PRKCQ: variants seen among roughly 807,000 people sequenced by gnomAD.
PRKCQ encodes protein kinase C theta type.
PRKCQ carries 41 observed loss-of-function variants against 91.2 expected under a neutral mutation model. The observed-to-expected ratio is 0.45, with a 90% CI of 0.35 to 0.58. The LOEUF is 0.58. Among genes scored for constraint, PRKCQ ranks in the 20% least tolerant of loss-of-function variants. The probability of loss-of-function intolerance (pLI) is 0.00; values close to 1 mark genes in which losing one functional copy is unlikely to be tolerated. For synonymous variants in PRKCQ, 307 were observed against 316.9 expected (o/e 0.97, Z 0.33); for missense variants, 673 against 896.5 (o/e 0.75, Z 3.18).
At chr10:6,569,572 G>A (rs946210156) in intron 1 of PRKCQ, among the ~76,000 whole-genome samples, 5 of 152,204 alleles carry the variant, frequency 3.3e-5, no homozygotes, top group African/African-American at 9.6e-5. Flanking sequence ...TGGTAACCAC[G>A]GCTAGGGAGG....
the PRKCQ span, among the ~76,000 whole-genome samples, chr10:6,407,968 C>T: frequency 6.6e-6 from 1 of 151,178 alleles, no homozygotes; most frequent in Non-Finnish European, 1.5e-5. The surrounding 1 kb of genome is among the most constrained non-coding windows in gnomAD (Gnocchi z 4.0). Context: ...ACTGTTATCA[C>T]ACCAAGAAAA....
At chr10:6,503,620 G>A (rs2130837313) in intron 4 of PRKCQ, among the ~76,000 whole-genome samples, 1 of 152,200 alleles carries the variant, frequency 6.6e-6, no homozygotes, top group Middle Eastern at 3.4e-3. Flanking sequence ...ATTATCTCAA[G>A]TGTTATCCAA....
intron 1 of PRKCQ, among the ~76,000 whole-genome samples, chr10:6,567,242 TA>T (rs935390521): frequency 1.3e-5 from 2 of 152,054 alleles, no homozygotes; most frequent in African/African-American, 4.8e-5. Flanking sequence ...ATAGGACACT[TA>T]AAAAAATGCC....
At position 6,507,914 on chromosome 10, in the gene PRKCQ, C is replaced by T. The variant is rs1036886686; in HGVS notation, c.319-418G>A. ...TTGGAGGGAAAGATAAATCCTGCCT[C>T]TTTGAGGCCGCCTCCAGGCCCCTGT... On this transcript the variant is annotated intron_variant, in intron 3 of 17. Transcript: ENST00000263125. Among the ~76,000 whole-genome samples, 4 of 152,268 alleles carry T rather than the reference C, an allele frequency of 2.6e-5. No homozygotes were observed. In the East Asian group the frequency reaches 5.8e-4, roughly 22 times the overall value.
chr10:6,466,709 A>C (rs1835676023), intron 12 of PRKCQ, among the ~76,000 whole-genome samples: 1 of 152,234 alleles, frequency 6.6e-6, no homozygotes, highest in Non-Finnish European at 1.5e-5. Flanking sequence ...TAATAGGCTC[A>C]AACTTTCATA....
intron 1 of PRKCQ, among the ~76,000 whole-genome samples, chr10:6,564,041 A>G (rs984377289): frequency 6.6e-6 from 1 of 152,184 alleles, no homozygotes; most frequent in Admixed American, 6.5e-5. Context: ...GCAGAGCTGT[A>G]AAATGCAAGA....
chr10:6,547,046 G>A (rs1448664823), intron 1 of PRKCQ, among the ~76,000 whole-genome samples: 42 of 152,154 alleles, frequency 2.8e-4, no homozygotes, highest in African/African-American at 8.7e-4. Flanking sequence ...ATTGATTTGC[G>A]TATATTGAAC....
chr10:6,562,442 C>T (rs1184901914), intron 1 of PRKCQ, among the ~76,000 whole-genome samples: 3 of 152,184 alleles, frequency 2.0e-5, no homozygotes, highest in Non-Finnish European at 2.9e-5. Flanking sequence ...CCCAGCCAAG[C>T]CGACTGGATC....
At chr10:6,499,299 T>A (rs546072517) in intron 4 of PRKCQ, among the ~76,000 whole-genome samples, 11 of 152,248 alleles carry the variant, frequency 7.2e-5, no homozygotes, top group Non-Finnish European at 1.6e-4. Context: ...TCTGGGCTCA[T>A]AAATATTGGT....
At chr10:6,580,616 CAG>C (rs1303989023), upstream of PRKCQ, 9 of 152,420 alleles carry the variant, frequency 5.9e-5, no homozygotes, top group African/African-American at 2.2e-4. Flanking sequence ...GCCACATTCT[CAG>C]AGTCAGGAAA....
At chr10:6,518,068 G>C (rs548603552) in intron 1 of PRKCQ, among the ~76,000 whole-genome samples, 3 of 152,172 alleles carry the variant, frequency 2.0e-5, no homozygotes, top group Non-Finnish European at 4.4e-5. Flanking sequence ...AGCAGCATGA[G>C]CAAATTTTGG....
chr10:6,427,817 G>A lies in PRKCQ; in HGVS notation c.*390C>T, dbSNP rs575819628. On this transcript the variant is annotated 3_prime_UTR_variant, in exon 18 of 18. Coordinates refer to ENST00000263125, the MANE Select transcript of PRKCQ (RefSeq NM_006257.5). Reference sequence around the variant, plus strand: ...AATGGGGCCGTTTCAGTCTTGAGACGTCTGTACTCCGTTTGCCCCTGATTC... The same window carrying A: ...AATGGGGCCGTTTCAGTCTTGAGACATCTGTACTCCGTTTGCCCCTGATTC... The A allele has an allele frequency of 3.5e-5, 8 of 226,118 alleles. No individual in the cohort carries two copies. The South Asian group carries it at 4.0e-4, about 11-fold the overall frequency. 14.0% of individuals were successfully genotyped at this position (226,118 alleles called of 1,614,324 possible). A position where few individuals can be genotyped will look rare whatever the true frequency, so the allele number is the denominator to read the frequency against.
the PRKCQ span, among the ~76,000 whole-genome samples, chr10:6,420,603 T>A: frequency 3.9e-5 from 6 of 152,332 alleles, no homozygotes; most frequent in Middle Eastern, 3.4e-3. Context: ...TTTGAGAAAT[T>A]GGTTGTCTGA....
At position 6,434,638 on chromosome 10, in the gene PRKCQ, G is replaced by A. The variant is rs570265127; in HGVS notation, c.1837-3700C>T. 2.2e-4 allele frequency among the ~76,000 whole-genome samples: 34 copies of A among 152,286 alleles called. 1 individual carries two copies. In the South Asian group the frequency reaches 4.4e-3, roughly 19 times the overall value. ...TTTTGTCTGTAAAAGCTGTCAGGAC[G>A]GAGGTTTACATTGATGGGAAAAAAT... is the stretch of plus-strand genomic sequence containing the variant. On this transcript the variant is annotated intron_variant, in intron 16 of 17. Transcript: ENST00000263125.
At position 6,430,733 on chromosome 10, in the gene PRKCQ, C is replaced by T. The variant is rs149040388; in HGVS notation, c.1965+77G>A. 2,568 of 1,559,160 alleles carry T rather than the reference C, an allele frequency of 1.6e-3. 29 individuals are homozygous for T. In the African/African-American group the frequency reaches 0.03, roughly 19 times the overall value. ...GGGCACCGGCAGGGGTGAGCAGCTG[C>T]GGTGACTTGGACAGGCAGACGGCCC... On this transcript the variant is annotated intron_variant, in intron 17 of 17. Transcript: ENST00000263125. This position sits in a 1 kb window ranked among gnomAD's most constrained non-coding sequence, Gnocchi z 4.7.
intron 12 of PRKCQ, among the ~76,000 whole-genome samples, 196 bp downstream of exon 12, chr10:6,478,796 C>T (rs1294583376): frequency 6.6e-6 from 1 of 152,044 alleles, no homozygotes. Flanking sequence ...AAGATCTTTC[C>T]CAATTGATGA....
chr10:6,511,172 C>G lies in PRKCQ; in HGVS notation c.141G>C (p.Gln47His), dbSNP rs779873274. The change falls in exon 3 of 18, where the codon CAG becomes CAC. Residue 47 changes from glutamine (Q) to histidine (H), a missense_variant. Gln to His is a conservative substitution (Grantham distance 24). Coordinates refer to ENST00000263125, the MANE Select transcript of PRKCQ (RefSeq NM_006257.5). ...VESENGQMYIQKKPTMYPPWD... is the reference protein window; with the variant it reads ...VESENGQMYIHKKPTMYPPWD... ...AGGGTGGGTACATGGTAGGCTTTTT[C>G]TGGATATACATCTGCCCGTTCTCTA... 1 of 1,614,044 alleles carries G rather than the reference C, an allele frequency of 6.2e-7. No individual in the cohort carries two copies. Among genetic ancestry groups the G allele is most frequent in the African/African-American group, 1.3e-5 (1 of 74,996 alleles).
intron 15 of PRKCQ, among the ~76,000 whole-genome samples, chr10:6,455,265 G>C (rs1292835140): frequency 6.6e-6 from 1 of 152,196 alleles, no homozygotes. Context: ...ATGGTTTATA[G>C]CATCAAAACC....
At chr10:6,411,377 A>G in the PRKCQ span, among the ~76,000 whole-genome samples, 1 of 152,230 alleles carries the variant, frequency 6.6e-6, no homozygotes, top group Admixed American at 6.5e-5. Flanking sequence ...AAAACTTGGC[A>G]TTGCTTGACA....
Sources: allele counts gnomAD v4.1 joint callset (sites outside exome capture counted in the v4.1 genomes callset), GRCh38; gene constraint gnomAD v4.1.1; non-coding constraint Gnocchi (gnomAD v3.1); transcripts MANE v1.5; gene names NCBI Gene and HGNC (gene_info 2026-07-23, HGNC 2026-07-21).